Variants in CSMD1 observed in about 807,000 individuals in gnomAD.
CSMD1 encodes CUB and Sushi multiple domains 1.
Under a neutral mutation model 417.5 loss-of-function variants are expected in CSMD1, and 213 were observed. The ratio of observed to expected loss-of-function variants is 0.51; its 90% CI spans 0.46 to 0.57. The LOEUF (loss-of-function observed/expected upper bound fraction) is 0.57, where lower values mean the gene tolerates loss of function less well. Ranked by LOEUF, CSMD1 falls within the 20% of genes least tolerant of loss-of-function variation. The pLI, the probability that CSMD1 is intolerant of heterozygous loss-of-function variation, is 0.00. For missense variants in CSMD1, 6,923 were observed against 4,529.7 expected (o/e 1.53, Z -15.17); for synonymous variants, 2,862 against 1,736.8 (o/e 1.65, Z -16.11).
intron 4 of CSMD1, among the ~76,000 whole-genome samples, chr8:4,019,283 G>A (rs952175790): frequency 4.6e-5 from 7 of 152,150 alleles, no homozygotes; most frequent in Non-Finnish European, 1.0e-4. Flanking sequence ...AAGATTCAGG[G>A]CGAGAGAGCT....
chr8:4,452,120 G>C (rs968884145), intron 2 of CSMD1, among the ~76,000 whole-genome samples: 1 of 152,094 alleles, frequency 6.6e-6, no homozygotes, highest in African/African-American at 2.4e-5. Flanking sequence ...TGCTTCCAGA[G>C]GTCTGTACAA....
At chr8:3,152,533 A>G (rs1483741865) in intron 39 of CSMD1, among the ~76,000 whole-genome samples, 1 of 152,180 alleles carries the variant, frequency 6.6e-6, no homozygotes, top group African/African-American at 2.4e-5. Flanking sequence ...ATCATCATCA[A>G]GACTGAAACA....
chr8:4,728,338 C>G (rs1366289845), intron 1 of CSMD1, among the ~76,000 whole-genome samples: 6 of 151,430 alleles, frequency 4.0e-5, no homozygotes, highest in Admixed American at 4.0e-4. Flanking sequence ...TAAAAATGCT[C>G]ATTTGCTTAA....
Position 3,406,158 on chromosome 8 carries a change from C to T in CSMD1, c.2135G>A (p.Arg712Lys), listed in dbSNP as rs1184355961. 1.2e-6 allele frequency: 2 copies of T among 1,613,616 alleles called. No individual in the cohort carries two copies. Among genetic ancestry groups the T allele is most frequent in the African/African-American group, 2.7e-5 (2 of 75,016 alleles). ...IPINGRRFGD[R>K]FLLGSSVSFH... ...AGAAACCGAGCTCCCGAGTAGAAAC[C>T]TGTCACCAAAACGTCGTCCGTTTAT... Residue 712 changes from arginine (R) to lysine (K), a missense_variant, in exon 15 of 70, where the codon AGG becomes AAG. Physicochemically the swap from Arg to Lys is conservative, Grantham distance 26. Coordinates refer to ENST00000635120, the MANE Select transcript of CSMD1 (RefSeq NM_033225.6).
At chr8:4,919,573 T>C (rs1362398047) in intron 1 of CSMD1, among the ~76,000 whole-genome samples, 3 of 152,192 alleles carry the variant, frequency 2.0e-5, no homozygotes, top group African/African-American at 4.8e-5. Flanking sequence ...ATAAAATGAT[T>C]CAATACCCAG....
chr8:4,132,490 T>C (rs1272590368), intron 3 of CSMD1, among the ~76,000 whole-genome samples: 5 of 152,204 alleles, frequency 3.3e-5, no homozygotes, highest in Admixed American at 2.6e-4. Flanking sequence ...ATGGGTAGTA[T>C]AATACATTTT....
At chr8:3,524,001 A>C (rs1797637721) in intron 10 of CSMD1, among the ~76,000 whole-genome samples, 1 of 148,684 alleles carries the variant, frequency 6.7e-6, no homozygotes, top group Admixed American at 6.6e-5. Flanking sequence ...AGAGACACAT[A>C]TGCACACATG....
chr8:3,811,169 G>T (rs144088316), intron 5 of CSMD1, among the ~76,000 whole-genome samples: 2 of 152,104 alleles, frequency 1.3e-5, no homozygotes, highest in African/African-American at 2.4e-5. Context: ...AGGACTGTGA[G>T]ATCTGAATTC....
rs186935140 is a variant in CSMD1, at chr8:3,925,219, C to T, written c.818+72684G>A. Among the ~76,000 whole-genome samples the T allele has an allele frequency of 1.1e-4, 17 of 152,302 alleles. No individual in the cohort carries two copies. The East Asian group carries it at 2.7e-3, about 24-fold the overall frequency. On this transcript the variant is annotated intron_variant, in intron 5 of 69. Transcript: ENST00000635120. ...TGTTTTCAATTTGCTACATTTTGGGCTATTTTGCTTTACAGCGACCTATAA... is the reference window on the plus strand; with the variant it reads ...TGTTTTCAATTTGCTACATTTTGGGTTATTTTGCTTTACAGCGACCTATAA...
intron 3 of CSMD1, among the ~76,000 whole-genome samples, chr8:4,299,466 A>T (rs986384345): frequency 2.0e-5 from 3 of 152,162 alleles, no homozygotes; most frequent in African/African-American, 7.2e-5. Flanking sequence ...TGGTTCTTTA[A>T]TTCAACAGAT....
chr8:3,724,547 G>A (rs568865366), intron 6 of CSMD1, among the ~76,000 whole-genome samples: 4 of 152,246 alleles, frequency 2.6e-5, no homozygotes, highest in East Asian at 3.9e-4. Context: ...TCCTAAGGCT[G>A]AATGATCTGA....
intron 5 of CSMD1, among the ~76,000 whole-genome samples, chr8:3,873,125 T>G (rs1563165187): frequency 6.6e-6 from 1 of 152,082 alleles, no homozygotes; most frequent in Non-Finnish European, 1.5e-5. Flanking sequence ...TTAGTTCAAC[T>G]ATTGAGGAAA....
At chr8:4,296,167 A>G (rs1797670154) in intron 3 of CSMD1, among the ~76,000 whole-genome samples, 1 of 152,128 alleles carries the variant, frequency 6.6e-6, no homozygotes, top group Non-Finnish European at 1.5e-5. Context: ...AACTATGCTC[A>G]GGGTCTCCCT....
chr8:4,281,400 G>C (rs951335212), intron 3 of CSMD1, among the ~76,000 whole-genome samples: 1 of 152,154 alleles, frequency 6.6e-6, no homozygotes, highest in Non-Finnish European at 1.5e-5. Context: ...CCAAAAAACA[G>C]CTTTAAATTA....
At chr8:4,675,300 G>T (rs974586793) in intron 1 of CSMD1, among the ~76,000 whole-genome samples, 3 of 152,186 alleles carry the variant, frequency 2.0e-5, no homozygotes, top group Non-Finnish European at 4.4e-5. Flanking sequence ...GGAGCCTAAA[G>T]AGAGTTATCA....
chr8:3,469,444 T>G (rs969598762), intron 11 of CSMD1, among the ~76,000 whole-genome samples: 3 of 152,202 alleles, frequency 2.0e-5, no homozygotes, highest in African/African-American at 7.2e-5. Context: ...CGCATATTAA[T>G]GTCTGGGTCA....
chr8:4,510,424 C>CAAAAAAAAAAAAAAAAAAAAAAAAAAAA (rs1225463197), intron 2 of CSMD1, among the ~76,000 whole-genome samples: 3 of 70,308 alleles, frequency 4.3e-5, no homozygotes, highest in Admixed American at 3.1e-4. Context: ...AAAAAAAAAG[C>CAAAAAAAAAAAAAAAAAAAAAAAAAAAA]AAATACTTTG....
chr8:3,422,107 G>C (rs766781764), intron 12 of CSMD1, among the ~76,000 whole-genome samples: 21 of 151,938 alleles, frequency 1.4e-4, no homozygotes, highest in African/African-American at 5.1e-4. Context: ...CCCATGACTA[G>C]ATGATCAATG....
chr8:4,909,116 G>T (rs1428820394), intron 1 of CSMD1, among the ~76,000 whole-genome samples: 1 of 152,156 alleles, frequency 6.6e-6, no homozygotes, highest in Non-Finnish European at 1.5e-5. Context: ...GTAGGTGTAG[G>T]TGTCAGAGGA....
Sources: gnomAD v4.1 joint callset for allele counts (sites outside exome capture counted in the v4.1 genomes callset) on GRCh38, gnomAD v4.1.1 for gene constraint, MANE v1.5 for transcripts, NCBI Gene and HGNC (gene_info 2026-07-23, HGNC 2026-07-21) for gene names.